The following ADAMTS19 variants were observed in gnomAD, a reference collection of about 807,000 sequenced individuals.
ADAMTS19 encodes the protein ADAM metallopeptidase with thrombospondin type 1 motif 19, also known as A disintegrin and metalloproteinase with thrombospondin motifs 19.
In ADAMTS19, 93 loss-of-function variants were observed where a neutral mutation model predicts 153.3. That is an observed-to-expected ratio of 0.61 (90% confidence interval 0.51 to 0.72). The LOEUF is 0.72. ADAMTS19 is among the 30% of genes least tolerant of loss of function. The pLI is 0.00. For synonymous variants in ADAMTS19, 600 were observed against 556.6 expected, an observed-to-expected ratio of 1.08 and a Z score of -1.10; for missense variants, 1,482 against 1,552.1, an observed-to-expected ratio of 0.95 and a Z score of 0.76.
At position 129,561,653 on chromosome 5, in the gene ADAMTS19, T is replaced by C. The variant is rs373818059; in HGVS notation, c.1372+9746T>C. Reference sequence around the variant, plus strand: ...TGGGACAATGTAGAACCTGAAAGCATAGGATGAACTTTCACACTCTATTAT... The same window carrying C: ...TGGGACAATGTAGAACCTGAAAGCACAGGATGAACTTTCACACTCTATTAT... On this transcript the variant is annotated intron_variant, in intron 7 of 22. Coordinates refer to ENST00000274487, the MANE Select transcript of ADAMTS19 (RefSeq NM_133638.6). Among the ~76,000 whole-genome samples the C allele has an allele frequency of 8.4e-4, 128 of 152,292 alleles. 1 individual carries two copies. The South Asian group carries it at 0.024, about 28-fold the overall frequency.
At chr5:129,518,083 C>G (rs981139775) in intron 3 of ADAMTS19, among the ~76,000 whole-genome samples, 7 of 152,062 alleles carry the variant, frequency 4.6e-5, no homozygotes, top group Non-Finnish European at 2.9e-5. Context: ...AACAAAAACT[C>G]TCTGCCTTAA....
At chr5:129,478,316 G>A (rs1750292793) in intron 2 of ADAMTS19, among the ~76,000 whole-genome samples, 1 of 152,020 alleles carries the variant, frequency 6.6e-6, no homozygotes. Flanking sequence ...GCACAAATCT[G>A]GTTTGCACAT....
chr5:129,580,805 C>G (rs1749476898), intron 7 of ADAMTS19, among the ~76,000 whole-genome samples: 2 of 152,116 alleles, frequency 1.3e-5, no homozygotes, highest in Non-Finnish European at 2.9e-5. Context: ...GGTGGGTAAG[C>G]TTTTTGATGT....
rs372216769 is a variant in ADAMTS19 at position 129,484,354 on chromosome 5, C to T, written c.747+22597C>T. ...TTGAAGCCCTCAGGGTACTTCTCTC[C>T]AACCAATTTTTTATCTGGGTCCCCA... On this transcript the variant is annotated intron_variant, in intron 2 of 22. Coordinates refer to ENST00000274487, the MANE Select transcript of ADAMTS19 (RefSeq NM_133638.6). 6.6e-5 allele frequency among the ~76,000 whole-genome samples: 10 copies of T among 152,166 alleles called. No homozygotes were observed. In the South Asian group the frequency reaches 1.9e-3, roughly 28 times the overall value.
intron 15 of ADAMTS19, among the ~76,000 whole-genome samples, chr5:129,662,124 A>C (rs1753840438): frequency 3.3e-5 from 5 of 152,254 alleles, no homozygotes; most frequent in Admixed American, 3.3e-4. Flanking sequence ...ATTTCTGTAA[A>C]GTAACTATAA....
At chr5:129,500,755 C>T (rs1751074495) in intron 2 of ADAMTS19, among the ~76,000 whole-genome samples, 1 of 151,988 alleles carries the variant, frequency 6.6e-6, no homozygotes, top group South Asian at 2.1e-4. Flanking sequence ...CCTTGACCAC[C>T]TTGTTCACTA....
chr5:129,678,220 C>T (rs1329198111), intron 16 of ADAMTS19, among the ~76,000 whole-genome samples: 2 of 152,144 alleles, frequency 1.3e-5, no homozygotes, highest in African/African-American at 4.8e-5. Flanking sequence ...TGTTTGACTT[C>T]ATGCACATGG....
chr5:129,705,418 A>G (rs982735838), intron 21 of ADAMTS19, among the ~76,000 whole-genome samples: 1 of 152,220 alleles, frequency 6.6e-6, no homozygotes, highest in Non-Finnish European at 1.5e-5. Context: ...GGCATTTGAA[A>G]TATAAGCTAT....
rs140805149 is a variant in ADAMTS19 at position 129,471,911 on chromosome 5, C to T, written c.747+10154C>T. 1.4e-4 allele frequency among the ~76,000 whole-genome samples: 22 copies of T among 152,296 alleles called. No homozygotes were observed. In the East Asian group the frequency reaches 4.2e-3, roughly 29 times the overall value. ...CATTCTTTTAGGGCTGCACAGTGTT[C>T]TATAGTGTGTATGTACCACATTTTC... On this transcript the variant is annotated intron_variant, in intron 2 of 22. Coordinates refer to ENST00000274487, the MANE Select transcript of ADAMTS19 (RefSeq NM_133638.6).
chr5:129,654,563 T>A, intron 14 of ADAMTS19, 130 bp downstream of exon 14: 1 of 1,034,026 alleles, frequency 9.7e-7, no homozygotes, highest in Non-Finnish European at 1.4e-6. Context: ...CTGCCTTGAC[T>A]GTGACCTTGA....
intron 3 of ADAMTS19, 145 bp from the exon 4 acceptor site, chr5:129,526,139 C>T (rs1751997863): frequency 1.7e-6 from 1 of 605,450 alleles, no homozygotes; most frequent in African/African-American, 2.0e-5. Context: ...CTGTCTCATT[C>T]TAAAGTCATA....
intron 3 of ADAMTS19, among the ~76,000 whole-genome samples, chr5:129,523,675 T>A (rs7705041): frequency 0.11 from 16,976 of 152,120 alleles, 2,076 homozygotes; most frequent in African/African-American, 0.3. Flanking sequence ...GTTCAACTGC[T>A]GAAATTTCCC....
intron 16 of ADAMTS19, among the ~76,000 whole-genome samples, chr5:129,678,895 T>C (rs1561644369): frequency 6.6e-6 from 1 of 152,214 alleles, no homozygotes; most frequent in South Asian, 2.1e-4. Context: ...TGTTTTCATG[T>C]AATTTTGACA....
chr5:129,691,294 T>A (rs1755324477), intron 18 of ADAMTS19, among the ~76,000 whole-genome samples: 1 of 152,148 alleles, frequency 6.6e-6, no homozygotes, highest in African/African-American at 2.4e-5. Flanking sequence ...ACATCCAGAT[T>A]TCCCCAAGAC....
chr5:129,540,821 A>G (rs1008411863), intron 6 of ADAMTS19, among the ~76,000 whole-genome samples: 2 of 152,046 alleles, frequency 1.3e-5, no homozygotes, highest in African/African-American at 4.8e-5. Context: ...GGCAAAATTT[A>G]TTGGCCTTCC....
chr5:129,658,481 C>T (rs1753688095), intron 14 of ADAMTS19, 136 bp from the exon 15 acceptor site: 2 of 864,356 alleles, frequency 2.3e-6, no homozygotes, highest in East Asian at 5.5e-5. Flanking sequence ...CAGAGAATGA[C>T]ATTTTATAAT....
chr5:129,470,108 A>G (rs1750015118), intron 2 of ADAMTS19, among the ~76,000 whole-genome samples: 1 of 152,170 alleles, frequency 6.6e-6, no homozygotes, highest in African/African-American at 2.4e-5. Context: ...GTGAGAAGAA[A>G]TTTTCTTTAT....
chr5:129,543,654 A>C lies in ADAMTS19; in HGVS notation c.1329-8210A>C, dbSNP rs1752745864. Among the ~76,000 whole-genome samples, 5 of 152,184 alleles carry C rather than the reference A, an allele frequency of 3.3e-5. No homozygotes were observed. The South Asian group carries it at 1.0e-3, about 31-fold the overall frequency. ...AGGTAGGGGAAACATGGCCACTAAA[A>C]CAAACTAAAGCCAAGTATTTGAGGG... On this transcript the variant is annotated intron_variant, in intron 6 of 22. Coordinates refer to ENST00000274487, the MANE Select transcript of ADAMTS19 (RefSeq NM_133638.6).
chr5:129,505,812 G>C (rs1223432503), intron 2 of ADAMTS19, among the ~76,000 whole-genome samples: 1 of 151,996 alleles, frequency 6.6e-6, no homozygotes, highest in Non-Finnish European at 1.5e-5. Flanking sequence ...GAAAACAACT[G>C]TTAAACCTTA....
Sources: allele counts gnomAD v4.1 joint callset (sites outside exome capture counted in the v4.1 genomes callset), GRCh38; gene constraint gnomAD v4.1.1; transcripts MANE v1.5; gene names NCBI Gene and HGNC (gene_info 2026-07-23, HGNC 2026-07-21).